SDCCAG8: variants seen among roughly 807,000 people sequenced by gnomAD.
SDCCAG8 encodes the protein serologically defined colon cancer antigen 8.
SDCCAG8 carries 74 observed loss-of-function variants against 101.8 expected under a neutral mutation model. That is an observed-to-expected ratio of 0.73 (90% confidence interval 0.60 to 0.88). The LOEUF (loss-of-function observed/expected upper bound fraction) is 0.88. SDCCAG8 is among the 40% of genes least tolerant of loss of function. The pLI, the probability that SDCCAG8 is intolerant of heterozygous loss-of-function variation, is 0.00. For synonymous variants in SDCCAG8, 281 were observed against 292.9 expected, an observed-to-expected ratio of 0.96 and a Z score of 0.41; for missense variants, 787 against 822.6, an observed-to-expected ratio of 0.96 and a Z score of 0.53.
At chr1:243,270,574 C>G (rs1308170920) in intron 2 of SDCCAG8, among the ~76,000 whole-genome samples, 3 of 152,176 alleles carry the variant, frequency 2.0e-5, no homozygotes, top group Admixed American at 6.5e-5. Context: ...ATAACCTCCT[C>G]TCTATGCTTT....
chr1:243,275,217 A>C (rs1485302093), intron 4 of SDCCAG8, among the ~76,000 whole-genome samples: 3 of 152,200 alleles, frequency 2.0e-5, no homozygotes, highest in Non-Finnish European at 4.4e-5. Flanking sequence ...TAATGTCATT[A>C]ATGCTAATAG....
intron 12 of SDCCAG8, among the ~76,000 whole-genome samples, chr1:243,359,699 C>T (rs879583210): frequency 7.2e-5 from 11 of 152,200 alleles, no homozygotes; most frequent in Middle Eastern, 3.4e-3. Flanking sequence ...ATTGTGTGTC[C>T]GGTACTCGGC....
At chr1:243,351,688 T>C (rs2076089395) in intron 12 of SDCCAG8, among the ~76,000 whole-genome samples, 1 of 152,218 alleles carries the variant, frequency 6.6e-6, no homozygotes, top group African/African-American at 2.4e-5. Context: ...ATCAGCCTCT[T>C]TTGTTCTTGT....
chr1:243,408,336 T>C lies in SDCCAG8; in HGVS notation c.1617-7366T>C, dbSNP rs370331222. Among the ~76,000 whole-genome samples, 15 of 152,334 alleles carry C rather than the reference T, an allele frequency of 9.8e-5. No homozygotes were observed. In the East Asian group the frequency reaches 2.9e-3, roughly 29 times the overall value. On this transcript the variant is annotated intron_variant, in intron 13 of 17. Transcript: ENST00000366541. Reference sequence around the variant, plus strand: ...ATTCCAGATTGATGCACATGTCTTATCTTTTCTAGAGTCTGTGGCCACTTG... The same window carrying C: ...ATTCCAGATTGATGCACATGTCTTACCTTTTCTAGAGTCTGTGGCCACTTG...
chr1:243,326,649 A>T (rs2074171001), intron 9 of SDCCAG8, among the ~76,000 whole-genome samples: 1 of 152,102 alleles, frequency 6.6e-6, no homozygotes, highest in Admixed American at 6.5e-5. Context: ...AATCTTTTTA[A>T]TTTTGTGGGC....
intron 13 of SDCCAG8, among the ~76,000 whole-genome samples, chr1:243,391,267 C>T (rs943858698): frequency 2.0e-5 from 3 of 152,334 alleles, no homozygotes; most frequent in Non-Finnish European, 2.9e-5. Context: ...GGATCCTGAG[C>T]AAGTAAGAGG....
At chr1:243,335,354 G>A (rs1012295674) in intron 10 of SDCCAG8, among the ~76,000 whole-genome samples, 7 of 152,204 alleles carry the variant, frequency 4.6e-5, no homozygotes, top group African/African-American at 1.4e-4. Flanking sequence ...TTGTGTGAGA[G>A]AGAATGGTAT....
intron 17 of SDCCAG8, among the ~76,000 whole-genome samples, chr1:243,491,631 C>CTGCGA (rs1666434002): frequency 6.6e-6 from 1 of 152,210 alleles, no homozygotes; most frequent in African/African-American, 2.4e-5. Context: ...GCTTCAGCCT[C>CTGCGA]TGCGATGCCT....
chr1:243,270,839 TGGTC>T, intron 2 of SDCCAG8, 135 bp from the exon 3 acceptor site: 10 of 673,342 alleles, frequency 1.5e-5, no homozygotes, highest in Admixed American at 8.0e-5. Flanking sequence ...TTTTTTATGT[TGGTC>T]TTGTATCCCC....
At chr1:243,328,936 A>C (rs1042016331) in intron 9 of SDCCAG8, among the ~76,000 whole-genome samples, 1 of 152,196 alleles carries the variant, frequency 6.6e-6, no homozygotes, top group Non-Finnish European at 1.5e-5. Context: ...TGTTCAGTTG[A>C]AAACTTTCTG....
intron 4 of SDCCAG8, among the ~76,000 whole-genome samples, chr1:243,282,204 C>CT (rs933001311): frequency 0.046 from 6,694 of 146,892 alleles, 282 homozygotes; most frequent in African/African-American, 0.12. Context: ...AATTGTACTT[C>CT]TTTTTTTTTT....
chr1:243,364,251 G>A (rs571173381), intron 12 of SDCCAG8, among the ~76,000 whole-genome samples: 1 of 152,222 alleles, frequency 6.6e-6, no homozygotes, highest in Admixed American at 6.5e-5. Context: ...CAGTTTTCCA[G>A]TGGAAGAGGA....
intron 15 of SDCCAG8, among the ~76,000 whole-genome samples, chr1:243,421,080 C>G (rs928248097): frequency 6.6e-6 from 1 of 152,164 alleles, no homozygotes; most frequent in African/African-American, 2.4e-5. Flanking sequence ...CAAATTTATA[C>G]TTATGCAATC....
intron 16 of SDCCAG8, among the ~76,000 whole-genome samples, chr1:243,460,045 CT>C (rs1417931301): frequency 6.6e-6 from 1 of 151,896 alleles, no homozygotes; most frequent in African/African-American, 2.4e-5. Flanking sequence ...TTTGTTTGTT[CT>C]TTTTTAAGGC....
chr1:243,473,673 G>A (rs560833967), intron 16 of SDCCAG8, among the ~76,000 whole-genome samples: 1 of 152,282 alleles, frequency 6.6e-6, no homozygotes, highest in Non-Finnish European at 1.5e-5. Context: ...AAAAGTTCAA[G>A]AGTGTCTGGG....
chr1:243,341,929 T>C (rs561451543), intron 11 of SDCCAG8, among the ~76,000 whole-genome samples: 6 of 152,322 alleles, frequency 3.9e-5, no homozygotes, highest in African/African-American at 1.4e-4. Flanking sequence ...TCTTTGCATA[T>C]TACCTTTTAT....
chr1:243,426,569 T>C lies in SDCCAG8; in HGVS notation c.1985+11T>C. The C allele has an allele frequency of 6.2e-7, 1 of 1,613,902 alleles. No homozygotes were observed. The highest frequency in any genetic ancestry group is 1.1e-5 in the South Asian group (1 of 91,076). On this transcript the variant is annotated intron_variant, in intron 16 of 17. Transcript: ENST00000366541. ...GACGATGAAGCAAAGGTAATCAAGG[T>C]TTCATGTCAACTCATGTGCCGCATA...
At chr1:243,358,667 C>A (rs902630664) in intron 12 of SDCCAG8, among the ~76,000 whole-genome samples, 5 of 152,128 alleles carry the variant, frequency 3.3e-5, no homozygotes, top group African/African-American at 1.2e-4. Context: ...ATGTTCATAG[C>A]ATTATTCATA....
At chr1:243,435,866 T>C (rs2148071682) in intron 16 of SDCCAG8, among the ~76,000 whole-genome samples, 1 of 152,148 alleles carries the variant, frequency 6.6e-6, no homozygotes, top group East Asian at 1.9e-4. Flanking sequence ...TAGTTAGGAA[T>C]AAGGAACACT....
Sources: allele counts gnomAD v4.1 joint callset (sites outside exome capture counted in the v4.1 genomes callset), GRCh38; gene constraint gnomAD v4.1.1; transcripts MANE v1.5; gene names NCBI Gene and HGNC (gene_info 2026-07-23, HGNC 2026-07-21).